The following CYP2C19 variants were observed in gnomAD, a reference collection of about 807,000 sequenced individuals.
CYP2C19 encodes the protein cytochrome P450 family 2 subfamily C member 19, also known as cytochrome P450 2C19.
A neutral mutation model predicts 40.9 loss-of-function variants in CYP2C19; 59 were observed. The observed-to-expected ratio is 1.44, with a 90% CI of 1.17 to 1.79. The LOEUF (loss-of-function observed/expected upper bound fraction) is 1.79, where lower values mean the gene tolerates loss of function less well. Among genes scored for constraint, CYP2C19 ranks in the 40% most tolerant of loss-of-function variants. The pLI is 0.00. For synonymous variants in CYP2C19, 253 were observed against 208.7 expected (o/e 1.21, Z -1.83); for missense variants, 754 against 596.9 (o/e 1.26, Z -2.74).
chr10:94,844,238 T>A (rs1056279297), intron 7 of CYP2C19, among the ~76,000 whole-genome samples: 14 of 152,358 alleles, frequency 9.2e-5, no homozygotes, highest in African/African-American at 3.4e-4. Context: ...AAATACCAGA[T>A]GTTATGTGTA....
rs1320057536 is a variant in CYP2C19, at chr10:94,854,707, T to C, written c.*1793T>C. On this transcript the variant is annotated 3_prime_UTR_variant, in exon 9 of 9. Transcript: ENST00000371321. ...TATGTATAACTTATGCACACATACA[T>C]ATAGGGTTAAATGTTTATTTACAAT... Among the ~76,000 whole-genome samples, 3 of 152,128 alleles carry C rather than the reference T, an allele frequency of 2.0e-5. No individual in the cohort carries two copies. Among genetic ancestry groups the C allele is most frequent in the Admixed American group, 2.0e-4 (3 of 15,266 alleles).
chr10:94,796,162 A>T (rs1261089532), intron 5 of CYP2C19, among the ~76,000 whole-genome samples: 2 of 152,036 alleles, frequency 1.3e-5, no homozygotes, highest in African/African-American at 2.4e-5. Flanking sequence ...ATCCATCTTG[A>T]ATTAATTTTT....
At chr10:94,796,523 T>C (rs899472573) in intron 5 of CYP2C19, among the ~76,000 whole-genome samples, 10 of 152,160 alleles carry the variant, frequency 6.6e-5, no homozygotes, top group African/African-American at 2.4e-4. Context: ...TTTTTCCAAT[T>C]CTGTGAAGAA....
chr10:94,830,196 C>T (rs1172000453), intron 6 of CYP2C19, among the ~76,000 whole-genome samples: 1 of 152,236 alleles, frequency 6.6e-6, no homozygotes, highest in Non-Finnish European at 1.5e-5. Context: ...GTTCCAGCTT[C>T]CTGGCTGCTT....
At chr10:94,842,236 A>G (rs554604992) in intron 6 of CYP2C19, among the ~76,000 whole-genome samples, 3 of 151,516 alleles carry the variant, frequency 2.0e-5, no homozygotes, top group Non-Finnish European at 4.4e-5. Context: ...TTTATCATCA[A>G]TTGTCATATT....
chr10:94,764,289 G>T (rs1456820728), intron 1 of CYP2C19, among the ~76,000 whole-genome samples: 1 of 152,110 alleles, frequency 6.6e-6, no homozygotes, highest in Non-Finnish European at 1.5e-5. Context: ...GTGCTGATTT[G>T]TCCATTTTGC....
intron 8 of CYP2C19, 68 bp from the exon 9 acceptor site, chr10:94,852,663 TAG>T: frequency 1.3e-6 from 2 of 1,532,190 alleles, no homozygotes; most frequent in South Asian, 1.1e-5. Flanking sequence ...GTGCCAGTTA[TAG>T]AGACAGTGTT....
At chr10:94,766,436 G>T (rs1261098164) in intron 1 of CYP2C19, among the ~76,000 whole-genome samples, 3 of 152,032 alleles carry the variant, frequency 2.0e-5, no homozygotes, top group African/African-American at 7.2e-5. Flanking sequence ...TCAGAAGGAA[G>T]GAAGACAGAA....
intron 5 of CYP2C19, among the ~76,000 whole-genome samples, chr10:94,797,170 A>C (rs1848701489): frequency 6.6e-6 from 1 of 152,020 alleles, no homozygotes; most frequent in Admixed American, 6.6e-5. Context: ...CGTCCCATCA[A>C]TACCTAATTT....
chr10:94,775,283 A>G (rs912973405), intron 2 of CYP2C19, 63 bp downstream of exon 2: 1 of 1,613,044 alleles, frequency 6.2e-7, no homozygotes, highest in East Asian at 2.2e-5. Flanking sequence ...AAAACAGACT[A>G]GCAGAGCTTC....
In CYP2C19 at chr10:94,852,806, C is replaced by A. The variant is rs760950193; in HGVS notation, c.1365C>A (p.Asn455Lys). The A allele has an allele frequency of 5.6e-6, 9 of 1,613,978 alleles. No individual in the cohort carries two copies. The highest frequency in any genetic ancestry group is 5.0e-5 in the Admixed American group (3 of 59,972). The change falls in exon 9 of 9, where the codon AAC (asparagine) becomes AAA (lysine). Residue 455 changes from asparagine (N) to lysine (K), a missense_variant. By Grantham distance (94) the Asn-to-Lys change is moderately conservative. Transcript: ENST00000371321. ...TATTCCTGACCTTCATTTTACAGAA[C>A]TTTAACCTGAAATCTCTGATTGACC... ...LFLFLTFILQNFNLKSLIDPK... is the reference protein window; with the variant it reads ...LFLFLTFILQKFNLKSLIDPK...
At position 94,852,742 on chromosome 10, in the gene CYP2C19, T is replaced by C. The variant is rs1849672923; in HGVS notation, c.1301T>C (p.Ile434Thr). The change falls in exon 9 of 9, where the codon ATT (isoleucine) becomes ACT (threonine). Residue 434 changes from isoleucine (I) to threonine (T), a missense_variant. Ile to Thr is a moderately conservative substitution (Grantham distance 89). Transcript: ENST00000371321. ...YFMPFSAGKR[I>T]CVGEGLARME... is the part of the protein sequence containing the mutation. ...TGTTTGTTATTTTCAGGAAAACGGA[T>C]TTGTGTGGGAGAGGGCCTGGCCCGC... 6.2e-7 allele frequency: 1 copy of C among 1,613,790 alleles called. No homozygotes were observed. The highest frequency in any genetic ancestry group is 1.1e-5 in the South Asian group (1 of 91,070).
At position 94,854,731 on chromosome 10, in the gene CYP2C19, A is replaced by ATGTT. The variant is rs1279364967; in HGVS notation, c.*1818_*1819insGTTT. Among the ~76,000 whole-genome samples, 3 of 152,252 alleles carry ATGTT rather than the reference A, an allele frequency of 2.0e-5. No individual in the cohort carries two copies. In the East Asian group the frequency reaches 5.8e-4, roughly 29 times the overall value. Reference sequence around the variant, plus strand: ...ATATAGGGTTAAATGTTTATTTACAATATTGGGCTCATATCACACATCTTG... The same window carrying ATGTT: ...ATATAGGGTTAAATGTTTATTTACAATGTTTATTGGGCTCATATCACACATCTTG... On this transcript the variant is annotated 3_prime_UTR_variant, in exon 9 of 9. Coordinates refer to ENST00000371321, the MANE Select transcript of CYP2C19 (RefSeq NM_000769.4).
At chr10:94,806,998 T>A (rs1848844504) in intron 5 of CYP2C19, among the ~76,000 whole-genome samples, 1 of 152,120 alleles carries the variant, frequency 6.6e-6, no homozygotes, top group Admixed American at 6.6e-5. Flanking sequence ...ACTTTTCTCT[T>A]TTGTATAGCT....
chr10:94,845,073 C>G lies in CYP2C19; in HGVS notation c.1149+2049C>G, dbSNP rs549421357. On this transcript the variant is annotated intron_variant, in intron 7 of 8. Transcript: ENST00000371321. Reference sequence around the variant, plus strand: ...TGGAACAGCCTATAGAAAAGTGCAGCACTGCGTGGCCAATTCTACCCTCTT... The same window carrying G: ...TGGAACAGCCTATAGAAAAGTGCAGGACTGCGTGGCCAATTCTACCCTCTT... Among the ~76,000 whole-genome samples the G allele has an allele frequency of 3.1e-3, 474 of 152,318 alleles. 3 individuals carry two copies. The highest frequency in any genetic ancestry group is 0.011 in the African/African-American group (451 of 41,578).
At chr10:94,832,376 C>G (rs1731437564) in intron 6 of CYP2C19, among the ~76,000 whole-genome samples, 1 of 152,122 alleles carries the variant, frequency 6.6e-6, no homozygotes, top group Non-Finnish European at 1.5e-5. Flanking sequence ...AGGGGAAGTC[C>G]CATTTATAAA....
At position 94,853,141 on chromosome 10, in the gene CYP2C19, C is replaced by G; in HGVS notation, c.*227C>G. The G allele has an allele frequency of 1.8e-6, 1 of 546,656 alleles. No homozygotes were observed. Among genetic ancestry groups the G allele is most frequent in the South Asian group, 2.4e-5 (1 of 40,944 alleles). 33.9% of individuals were successfully genotyped at this position (546,656 alleles called of 1,614,324 possible). A position where few individuals can be genotyped will look rare whatever the true frequency, so the allele number is the denominator to read the frequency against. On this transcript the variant is annotated 3_prime_UTR_variant, in exon 9 of 9. Transcript: ENST00000371321. ...CATTGAGTGCCACATAATGCTGATA[C>G]TTGTCTAATGTTGAGTTATTAACAT... is the stretch of plus-strand genomic sequence containing the variant.
At chr10:94,769,395 G>T (rs746617790) in intron 1 of CYP2C19, among the ~76,000 whole-genome samples, 49 of 152,258 alleles carry the variant, frequency 3.2e-4, no homozygotes, top group Middle Eastern at 6.8e-3. Context: ...GTGGTCTGAG[G>T]GATCCTCAAA....
At position 94,832,542 on chromosome 10, in the gene CYP2C19, C is replaced by T. The variant is rs551616764; in HGVS notation, c.962-10295C>T. ...GGGTGGGGACACAGCCAAACCATGT[C>T]AGCACCTTTGTCAAGAATGAGTTCA... is the stretch of plus-strand genomic sequence containing the variant. On this transcript the variant is annotated intron_variant, in intron 6 of 8. Transcript: ENST00000371321. Among the ~76,000 whole-genome samples the T allele has an allele frequency of 3.3e-5, 5 of 152,240 alleles. No individual in the cohort carries two copies. In the South Asian group the frequency reaches 8.3e-4, roughly 25 times the overall value.
Sources: allele counts gnomAD v4.1 joint callset (sites outside exome capture counted in the v4.1 genomes callset), GRCh38; gene constraint gnomAD v4.1.1; transcripts MANE v1.5; gene names NCBI Gene and HGNC (gene_info 2026-07-23, HGNC 2026-07-21).